Variants in LEF1 observed in about 807,000 individuals in gnomAD.
LEF1 encodes the protein lymphoid enhancer binding factor 1, also known as lymphoid enhancer-binding factor 1.
LEF1 carries 14 observed loss-of-function variants against 51.2 expected under a neutral mutation model. The ratio of observed to expected loss-of-function variants is 0.27; its 90% CI spans 0.18 to 0.43. The LOEUF (loss-of-function observed/expected upper bound fraction) is 0.43. Ranked by LOEUF, LEF1 falls within the 20% of genes least tolerant of loss-of-function variation. The pLI is 1.00. For synonymous variants in LEF1, 185 were observed against 183.2 expected (o/e 1.01, Z -0.08); for missense variants, 386 against 512.0 (o/e 0.75, Z 2.37).
chr4:108,153,221 C>T (rs1744461290), intron 3 of LEF1, among the ~76,000 whole-genome samples: 1 of 152,206 alleles, frequency 6.6e-6, no homozygotes, highest in Non-Finnish European at 1.5e-5. Context: ...TCTGTCAGGC[C>T]AGCTTGCCCA....
At chr4:108,118,626 G>A (rs1741980270) in intron 3 of LEF1, among the ~76,000 whole-genome samples, 1 of 152,188 alleles carries the variant, frequency 6.6e-6, no homozygotes, top group African/African-American at 2.4e-5. Context: ...TGATTGTCAG[G>A]TAGAAGACAG....
chr4:108,150,573 T>C (rs961233466), intron 3 of LEF1, among the ~76,000 whole-genome samples: 5 of 152,214 alleles, frequency 3.3e-5, no homozygotes, highest in African/African-American at 1.2e-4. Context: ...GTATAACAGA[T>C]ACCTTTAATC....
chr4:108,068,292 CA>C (rs1334675901), intron 9 of LEF1, among the ~76,000 whole-genome samples: 1 of 151,628 alleles, frequency 6.6e-6, no homozygotes, highest in African/African-American at 2.4e-5. Context: ...CAAAACAAAA[CA>C]AAACAAAAAG....
At chr4:108,056,795 A>G (rs767390970) in intron 11 of LEF1, among the ~76,000 whole-genome samples, 49 of 152,112 alleles carry the variant, frequency 3.2e-4, no homozygotes, top group Non-Finnish European at 5.3e-4. Context: ...CTATGCAGCG[A>G]TCTGGCAATC....
chr4:108,103,269 A>C (rs540274161), intron 3 of LEF1, among the ~76,000 whole-genome samples: 2 of 152,358 alleles, frequency 1.3e-5, no homozygotes, highest in Admixed American at 1.3e-4. Flanking sequence ...TATCATGTGA[A>C]TGTGCTAATG....
chr4:108,152,356 G>A (rs1445205767), intron 3 of LEF1, among the ~76,000 whole-genome samples: 3 of 152,222 alleles, frequency 2.0e-5, no homozygotes, highest in Non-Finnish European at 4.4e-5. Context: ...GGTAAGACTT[G>A]AAAGGGAGAT....
chr4:108,150,997 C>T (rs1168686028), intron 3 of LEF1, among the ~76,000 whole-genome samples: 2 of 152,120 alleles, frequency 1.3e-5, no homozygotes, highest in African/African-American at 4.8e-5. Flanking sequence ...TGTTGACTTA[C>T]ATCAAATAAA....
chr4:108,070,037 T>C lies in LEF1; in HGVS notation c.1116+626A>G, dbSNP rs543026514. Among the ~76,000 whole-genome samples, 12 of 151,312 alleles carry C rather than the reference T, an allele frequency of 7.9e-5. No homozygotes were observed. The East Asian group carries it at 1.5e-3, about 20-fold the overall frequency. ...CAATGAATCTATTCAACATAAATAATAGCCCTAAATACAGAAAAAAACTGT... is the reference window on the plus strand; with the variant it reads ...CAATGAATCTATTCAACATAAATAACAGCCCTAAATACAGAAAAAAACTGT... On this transcript the variant is annotated intron_variant, in intron 9 of 11. Transcript: ENST00000265165.
chr4:108,142,191 A>T (rs1242221403), intron 3 of LEF1, among the ~76,000 whole-genome samples: 1 of 152,194 alleles, frequency 6.6e-6, no homozygotes, highest in African/African-American at 2.4e-5. Context: ...GCTGCTAAAG[A>T]CCTGTCCCGC....
intron 4 of LEF1, among the ~76,000 whole-genome samples, chr4:108,085,449 A>T (rs1003860801): frequency 6.6e-6 from 1 of 152,230 alleles, no homozygotes; most frequent in African/African-American, 2.4e-5. Flanking sequence ...AGTGACTGTT[A>T]AGGCATCTGT....
At chr4:108,089,389 AG>A in intron 3 of LEF1, 132 bp from the exon 4 acceptor site, 1 of 876,754 alleles carries the variant, frequency 1.1e-6, no homozygotes, top group South Asian at 2.0e-5. Flanking sequence ...AGACCTGGAC[AG>A]GTGGAAATGT....
In LEF1 at chr4:108,115,344, A is replaced by G. The variant is rs115333944; in HGVS notation, c.415-26087T>C. Among the ~76,000 whole-genome samples the G allele has an allele frequency of 6.7e-3, 1,026 of 152,264 alleles. 11 individuals carry two copies. The highest frequency in any genetic ancestry group is 0.023 in the African/African-American group (976 of 41,542). ...TAATTCGGTTTAATACTGGGAAGCTACCCGCTCTCTCAGTGGCTATGGTGA... is the reference window on the plus strand; with the variant it reads ...TAATTCGGTTTAATACTGGGAAGCTGCCCGCTCTCTCAGTGGCTATGGTGA... On this transcript the variant is annotated intron_variant, in intron 3 of 11. Transcript: ENST00000265165.
chr4:108,056,762 C>T (rs10022726), intron 11 of LEF1, among the ~76,000 whole-genome samples: 146,004 of 152,144 alleles, frequency 0.96, 70,330 homozygotes, highest in East Asian at 1. Flanking sequence ...GGAGCCTCTC[C>T]GGGCCACCAC....
At chr4:108,100,185 A>AT (rs1740721086) in intron 3 of LEF1, among the ~76,000 whole-genome samples, 1 of 152,188 alleles carries the variant, frequency 6.6e-6, no homozygotes, top group African/African-American at 2.4e-5. Context: ...GAAAACTTAA[A>AT]TGAGAAAGAA....
At chr4:108,067,643 C>T (rs1422416961) in intron 9 of LEF1, among the ~76,000 whole-genome samples, 1 of 151,808 alleles carries the variant, frequency 6.6e-6, no homozygotes. Context: ...AATTCTTCTG[C>T]CTCAGCCTCC....
chr4:108,067,546 T>C (rs998016513), intron 9 of LEF1, among the ~76,000 whole-genome samples: 1 of 151,998 alleles, frequency 6.6e-6, no homozygotes, highest in South Asian at 2.1e-4. Context: ...TTTTTTTTTT[T>C]TGGAGACAGT....
At chr4:108,060,359 A>C (rs1650565834) in intron 11 of LEF1, among the ~76,000 whole-genome samples, 1 of 152,244 alleles carries the variant, frequency 6.6e-6, no homozygotes, top group African/African-American at 2.4e-5. Flanking sequence ...ACAAAAGCAA[A>C]GCAGACCAGA....
intron 11 of LEF1, among the ~76,000 whole-genome samples, chr4:108,051,383 G>A (rs1289960394): frequency 1.3e-5 from 2 of 152,194 alleles, no homozygotes; most frequent in African/African-American, 4.8e-5. Context: ...GGAGAAACGG[G>A]GGCCTTGTAG....
At chr4:108,128,724 C>T (rs1742693784) in intron 3 of LEF1, among the ~76,000 whole-genome samples, 2 of 152,006 alleles carry the variant, frequency 1.3e-5, no homozygotes, top group South Asian at 2.1e-4. Flanking sequence ...TTATTATAAT[C>T]CTAATCAGGT....
Sources: gnomAD v4.1 joint callset for allele counts (sites outside exome capture counted in the v4.1 genomes callset) on GRCh38, gnomAD v4.1.1 for gene constraint, MANE v1.5 for transcripts, NCBI Gene and HGNC (gene_info 2026-07-23, HGNC 2026-07-21) for gene names.